The following DCDC2C variants were observed in gnomAD, a reference collection of about 807,000 sequenced individuals.
DCDC2C encodes doublecortin domain-containing protein 2C.
In DCDC2C, 44 loss-of-function variants were observed where a neutral mutation model predicts 45.0. The observed-to-expected ratio is 0.98, with a 90% CI of 0.77 to 1.26. The LOEUF (loss-of-function observed/expected upper bound fraction) is 1.26, where lower values mean the gene tolerates loss of function less well. Ranked by LOEUF, DCDC2C falls within the 50% of genes most tolerant of loss-of-function variation. The pLI is 0.00. For synonymous variants in DCDC2C, 187 were observed against 178.8 expected (o/e 1.05, Z -0.37); for missense variants, 447 against 468.9 (o/e 0.95, Z 0.43).
At position 3,785,040 on chromosome 2, in the gene DCDC2C, ATTTG is replaced by A. The variant is rs1670613908; in HGVS notation, c.1024-15_1024-12del. ...CCTTCTTGCGATAGTTGATTCCTAT[ATTTG>A]TTTTTTCATACTAGGATAAAGAAGA... On this transcript the variant is annotated splice_polypyrimidine_tract_variant and intron_variant, in intron 9 of 10. Transcript: ENST00000399143. 26 of 1,230,372 alleles carry A rather than the reference ATTTG, an allele frequency of 2.1e-5. No individual in the cohort carries two copies. The highest frequency in any genetic ancestry group is 1.4e-4 in the African/African-American group (9 of 64,492). The allele number at this position is 1,230,372 out of a possible 1,614,324, so 76.2% of individuals were successfully genotyped here.
rs35043668 is a variant in DCDC2C, at chr2:3,741,898, G to T, written c.417-22G>T. On this transcript the variant is annotated intron_variant, in intron 3 of 10. Coordinates refer to ENST00000399143, the MANE Select transcript of DCDC2C (RefSeq NM_001287444.2). ...CCTCAAACTTAAGGTATTAATGGAT[G>T]CTTTTCTTTTTATTCTTACAGTGTT... is the stretch of plus-strand genomic sequence containing the variant. 3.4e-3 allele frequency: 5,213 copies of T among 1,537,174 alleles called. 148 individuals carry two copies. The African/African-American group carries it at 0.061, about 18-fold the overall frequency.
chr2:3,790,424 AG>A (rs912125060), intron 10 of DCDC2C, among the ~76,000 whole-genome samples: 20 of 152,196 alleles, frequency 1.3e-4, no homozygotes, highest in African/African-American at 4.6e-4. Flanking sequence ...ATCTTACTGA[AG>A]TGAAATGCAT....
At chr2:3,742,907 G>C (rs1376453275) in intron 4 of DCDC2C, among the ~76,000 whole-genome samples, 1 of 152,218 alleles carries the variant, frequency 6.6e-6, no homozygotes, top group Non-Finnish European at 1.5e-5. Flanking sequence ...GGTCCCATTT[G>C]CATGAATGAA....
intron 6 of DCDC2C, among the ~76,000 whole-genome samples, chr2:3,767,024 C>T (rs4849926): frequency 6.6e-6 from 1 of 152,078 alleles, no homozygotes; most frequent in Non-Finnish European, 1.5e-5. Flanking sequence ...TGCCAAAAGA[C>T]TTTTCCCGCC....
At chr2:3,714,458 T>A (rs1668298251) in intron 2 of DCDC2C, among the ~76,000 whole-genome samples, 1 of 151,484 alleles carries the variant, frequency 6.6e-6, no homozygotes, top group African/African-American at 2.4e-5. Flanking sequence ...TTTAGGCAGA[T>A]TTGCTAGGAA....
rs1271051433 is a variant in DCDC2C at position 3,818,741 on chromosome 2, A to T, written c.1066-28413A>T. ...ATCAAGGAGGGAGTAGAGGTGTCTT[A>T]TACTTGTGGATTAAGGTGGGGAGAT... On this transcript the variant is annotated intron_variant, in intron 10 of 10. Transcript: ENST00000399143. The surrounding 1 kb of genome is among the most constrained non-coding windows in gnomAD (Gnocchi z 4.7). 1.3e-5 allele frequency among the ~76,000 whole-genome samples: 2 copies of T among 152,092 alleles called. No homozygotes were observed. The highest frequency in any genetic ancestry group is 4.8e-5 in the African/African-American group (2 of 41,400).
intron 10 of DCDC2C, among the ~76,000 whole-genome samples, chr2:3,832,089 C>T (rs114384560): frequency 0.036 from 5,532 of 152,198 alleles, 145 homozygotes; most frequent in Middle Eastern, 0.085. Flanking sequence ...CACCTGATTT[C>T]GATTGTGCAT....
rs17017989 is a variant in DCDC2C at position 3,767,887 on chromosome 2, T to A, written c.853+7T>A. On this transcript the variant is annotated splice_region_variant and intron_variant, in intron 7 of 10. Transcript: ENST00000399143. The stretch of plus-strand genomic sequence containing the variant: ...TTAGTCCAAAGGGGTGCAGGTGACG[T>A]GCAGTTTCATTCTGCTGTAGGCAGT... The A allele has an allele frequency of 0.12, 186,582 of 1,499,316 alleles. 13,056 individuals carry two copies. The highest frequency in any genetic ancestry group is 0.32 in the East Asian group (12,688 of 39,532). The allele number at this position is 1,499,316 out of a possible 1,614,324, so 92.9% of individuals were successfully genotyped here.
chr2:3,725,146 G>T (rs540731317), intron 2 of DCDC2C, among the ~76,000 whole-genome samples: 9 of 152,116 alleles, frequency 5.9e-5, no homozygotes, highest in Non-Finnish European at 1.2e-4. Context: ...TTCCTGGGTG[G>T]GTGTGAAGTA....
intron 10 of DCDC2C, among the ~76,000 whole-genome samples, chr2:3,843,776 A>G (rs913132403): frequency 1.3e-5 from 2 of 152,160 alleles, no homozygotes; most frequent in African/African-American, 4.8e-5. Flanking sequence ...TGACTTTTCA[A>G]TTTTTAAATG....
chr2:3,807,346 GC>G (rs955574050), intron 10 of DCDC2C, among the ~76,000 whole-genome samples: 11 of 152,196 alleles, frequency 7.2e-5, no homozygotes, highest in African/African-American at 2.7e-4. Context: ...GGCGAAGTGT[GC>G]CCAGGCAGGG....
rs1262098842 is a variant in DCDC2C at position 3,817,745 on chromosome 2, GAT to G, written c.1066-29408_1066-29407del. Among the ~76,000 whole-genome samples, 3 of 152,328 alleles carry G rather than the reference GAT, an allele frequency of 2.0e-5. No individual in the cohort carries two copies. In the South Asian group the frequency reaches 6.2e-4, roughly 32 times the overall value. On this transcript the variant is annotated intron_variant, in intron 10 of 10. Coordinates refer to ENST00000399143, the MANE Select transcript of DCDC2C (RefSeq NM_001287444.2). ...GCTGTGTGTAATGAAAAAGGGTTGG[GAT>G]GAGTTAGGGAGAGCTAGTGTGGGAG...
intron 3 of DCDC2C, among the ~76,000 whole-genome samples, chr2:3,731,840 T>C (rs952602494): frequency 6.6e-6 from 1 of 152,190 alleles, no homozygotes; most frequent in Non-Finnish European, 1.5e-5. Context: ...ATAGTCCCAG[T>C]CTTGGGGGCC....
At chr2:3,835,044 T>A (rs1192084553) in intron 10 of DCDC2C, among the ~76,000 whole-genome samples, 2 of 152,208 alleles carry the variant, frequency 1.3e-5, no homozygotes, top group African/African-American at 4.8e-5. Flanking sequence ...AAATCCAGAT[T>A]TGTCTTGCTC....
At chr2:3,752,394 A>C (rs1669566632) in intron 4 of DCDC2C, among the ~76,000 whole-genome samples, 1 of 152,202 alleles carries the variant, frequency 6.6e-6, no homozygotes, top group Non-Finnish European at 1.5e-5. Context: ...TTTGCTAATA[A>C]ATCCTGGTTT....
At chr2:3,808,081 T>C (rs937926684) in intron 10 of DCDC2C, among the ~76,000 whole-genome samples, 2 of 152,232 alleles carry the variant, frequency 1.3e-5, no homozygotes, top group African/African-American at 2.4e-5. Context: ...CATTTTTCAC[T>C]GTGTAAGAAG....
At chr2:3,781,855 ACT>A (rs1478513745) in intron 9 of DCDC2C, among the ~76,000 whole-genome samples, 1 of 151,934 alleles carries the variant, frequency 6.6e-6, no homozygotes, top group Non-Finnish European at 1.5e-5. Context: ...ACAGAGAGAG[ACT>A]CTGTCTGGAA....
Position 3,741,915 on chromosome 2 carries a change from T to TA in DCDC2C, c.417-4dup. 4 of 1,543,302 alleles carry TA rather than the reference T, an allele frequency of 2.6e-6. No homozygotes were observed. The highest frequency in any genetic ancestry group is 2.6e-6 in the Non-Finnish European group (3 of 1,144,564). ...TAATGGATGCTTTTCTTTTTATTCT[T>TA]ACAGTGTTTTTACAAATGGAAGATT... On this transcript the variant is annotated splice_polypyrimidine_tract_variant and splice_region_variant and intron_variant, in intron 3 of 10. Transcript: ENST00000399143.
chr2:3,746,630 T>G (rs1330732603), intron 4 of DCDC2C, among the ~76,000 whole-genome samples: 1 of 152,176 alleles, frequency 6.6e-6, no homozygotes, highest in African/African-American at 2.4e-5. Context: ...CGTACACTAT[T>G]CTAGGAGCCG....
Sources: gnomAD v4.1 joint callset for allele counts (sites outside exome capture counted in the v4.1 genomes callset) on GRCh38, gnomAD v4.1.1 for gene constraint, Gnocchi (gnomAD v3.1) non-coding constraint, MANE v1.5 for transcripts, NCBI Gene and HGNC (gene_info 2026-07-23, HGNC 2026-07-21) for gene names.